Variants in FOXH1 observed in about 807,000 individuals in gnomAD.
The protein encoded by FOXH1 is forkhead box H1.
FOXH1 carries 10 observed loss-of-function variants against 14.2 expected under a neutral mutation model. That is an observed-to-expected ratio of 0.70 (90% CI 0.43 to 1.19). The LOEUF (loss-of-function observed/expected upper bound fraction) is 1.19. Ranked by LOEUF, FOXH1 falls within the 50% of genes most tolerant of loss-of-function variation. FOXH1 has a pLI of 0.00. For missense variants in FOXH1, 643 were observed against 492.1 expected (o/e 1.31, Z -2.90); for synonymous variants, 273 against 209.5 (o/e 1.30, Z -2.62).
In FOXH1 at chr8:144,475,773, C is replaced by T. The variant is rs760351671; in HGVS notation, c.-17G>A. The T allele has an allele frequency of 3.7e-6, 5 of 1,365,580 alleles. No individual in the cohort carries two copies. Among genetic ancestry groups the T allele is most frequent in the Admixed American group, 3.6e-5 (1 of 27,560 alleles). 84.6% of individuals were successfully genotyped at this position (1,365,580 alleles called of 1,614,324 possible). On this transcript the variant is annotated 5_prime_UTR_variant, in exon 1 of 3. Coordinates refer to ENST00000377317, the MANE Select transcript of FOXH1 (RefSeq NM_003923.3). ...GGGCCCCATGCGGGACGGTAGACAG[C>T]GTGGGCAGGGGCCTGGCCGGGTGGA... is the stretch of plus-strand genomic sequence containing the variant.
chr8:144,475,505 G>A (rs1825123147), intron 1 of FOXH1, 78 bp downstream of exon 1: 1 of 1,187,984 alleles, frequency 8.4e-7, no homozygotes, highest in Middle Eastern at 2.4e-4. Context: ...AGGAAGGGGT[G>A]GGGGTCAGGG....
In FOXH1 at chr8:144,473,674, C is replaced by G. The variant is rs995819341; in HGVS notation, c.*564G>C. On this transcript the variant is annotated 3_prime_UTR_variant, in exon 3 of 3. Transcript: ENST00000377317. The stretch of plus-strand genomic sequence containing the variant: ...ACGGCACACAGCAGGGAATCCCAGG[C>G]CCCCCCGCCAAGTGGTTACCCAAGT... The G allele has an allele frequency of 2.1e-6, 1 of 483,388 alleles. No individual in the cohort carries two copies. Among genetic ancestry groups the G allele is most frequent in the African/African-American group, 2.2e-5 (1 of 45,718 alleles). The allele number at this position is 483,388 out of a possible 1,614,324, so 29.9% of individuals were successfully genotyped here. A position where few individuals can be genotyped will look rare whatever the true frequency, so the allele number is the denominator to read the frequency against.
rs759087988 is a variant in FOXH1 at position 144,474,903 on chromosome 8, C to G, written c.433G>C (p.Gly145Arg). 26 of 1,609,894 alleles carry G rather than the reference C, an allele frequency of 1.6e-5. No individual in the cohort carries two copies. Among genetic ancestry groups the G allele is most frequent in the Non-Finnish European group, 2.1e-5 (25 of 1,179,610 alleles). Reference sequence around the variant, plus strand: ...GGCCGGCCGTGCAGCACGTAGGGGCCCAGGTCCTTGGCGAAGGCTCCACGC... The same window carrying G: ...GGCCGGCCGTGCAGCACGTAGGGGCGCAGGTCCTTGGCGAAGGCTCCACGC... Reference protein sequence around the residue: ...GARGAFAKDLGPYVLHGRPYR... With the variant: ...GARGAFAKDLRPYVLHGRPYR... The change falls in exon 3 of 3, where the codon GGC becomes CGC. Residue 145 changes from glycine to arginine, a missense_variant. Physicochemically the swap from Gly to Arg is moderately radical, Grantham distance 125. Transcript: ENST00000377317.
In FOXH1 at chr8:144,475,744, T is replaced by C. The variant is rs774860387; in HGVS notation, c.13A>G (p.Ser5Gly). ...TCTGGGGGCCCCAGGCGGGAGCCGC[T>C]GCAGGGCCCCATGCGGGACGGTAGA... MGPC[S>G]GSRLGPPEAE... Residue 5 changes from serine (S) to glycine (G), a missense_variant, in exon 1 of 3, where the codon AGC becomes GGC. Ser to Gly is a moderately conservative substitution (Grantham distance 56, BLOSUM62 0). Transcript: ENST00000377317. 22 of 1,409,550 alleles carry C rather than the reference T, an allele frequency of 1.6e-5. No individual in the cohort carries two copies. Among genetic ancestry groups the C allele is most frequent in the Non-Finnish European group, 1.9e-5 (20 of 1,081,028 alleles). The allele number at this position is 1,409,550 out of a possible 1,614,324, so 87.3% of individuals were successfully genotyped here. A position where few individuals can be genotyped will look rare whatever the true frequency, so the allele number is the denominator to read the frequency against.
In FOXH1 at chr8:144,473,512, C is replaced by G. The variant is rs951891187; in HGVS notation, c.*726G>C. The G allele has an allele frequency of 1.1e-4, 151 of 1,387,888 alleles. No individual in the cohort carries two copies. Among genetic ancestry groups the G allele is most frequent in the Non-Finnish European group, 1.3e-4 (140 of 1,061,162 alleles). The allele number at this position is 1,387,888 out of a possible 1,614,324, so 86.0% of individuals were successfully genotyped here. On this transcript the variant is annotated 3_prime_UTR_variant, in exon 3 of 3. Transcript: ENST00000377317. ...CCCTAGCCTCTTTGGATCCATTGCC[C>G]CTGAGCTCCCAGAGTCACCCCTCCA...
In FOXH1 at chr8:144,474,453, G is replaced by C. The variant is rs1203041602; in HGVS notation, c.883C>G (p.Pro295Ala). The C allele has an allele frequency of 6.2e-7, 1 of 1,612,860 alleles. No homozygotes were observed. The highest frequency in any genetic ancestry group is 8.5e-7 in the Non-Finnish European group (1 of 1,179,994). The change falls in exon 3 of 3, where the codon CCA becomes GCA. Residue 295 changes from proline (P) to alanine (A), a missense_variant. Physicochemically the swap from Pro to Ala is conservative, Grantham distance 27. Transcript: ENST00000377317. The stretch of plus-strand genomic sequence containing the variant: ...CACTGGGGACAGGAGGTGGGTGGTG[G>C]TGCCAAGGGCATTACCACATTGGGA... The part of the protein sequence containing the change: ...YTPNVVMPLA[P>A]PPTSCPQCPS...
In FOXH1 at chr8:144,474,393, G is replaced by A; in HGVS notation, c.943C>T (p.Pro315Ser). Reference sequence around the variant, plus strand: ...AGCCCTGGGGGCCCTCGGGTTTCAGGGGCCACCCCCCAGTAGGCAGGGCTG... The same window carrying A: ...AGCCCTGGGGGCCCTCGGGTTTCAGAGGCCACCCCCCAGTAGGCAGGGCTG... ...STSPAYWGVA[P>S]ETRGPPGLLC... Residue 315 changes from proline to serine, a missense_variant, in exon 3 of 3, where the codon CCT becomes TCT. Physicochemically the swap from Pro to Ser is moderately conservative, Grantham distance 74. Coordinates refer to ENST00000377317, the MANE Select transcript of FOXH1 (RefSeq NM_003923.3). 6.2e-7 allele frequency: 1 copy of A among 1,613,250 alleles called. No homozygotes were observed. Among genetic ancestry groups the A allele is most frequent in the South Asian group, 1.1e-5 (1 of 91,084 alleles).
In FOXH1 at chr8:144,475,201, C is replaced by T; in HGVS notation, c.235G>A (p.Asp79Asn). 6.2e-7 allele frequency: 1 copy of T among 1,613,664 alleles called. No homozygotes were observed. The highest frequency in any genetic ancestry group is 8.5e-7 in the Non-Finnish European group (1 of 1,179,920). The change falls in exon 2 of 3, where the codon GAC becomes AAC. Residue 79 changes from aspartate (D) to asparagine (N), a missense_variant. Physicochemically the swap from Asp to Asn is conservative, Grantham distance 23. Coordinates refer to ENST00000377317, the MANE Select transcript of FOXH1 (RefSeq NM_003923.3). ...GAGGAAAGGTTGTGGCGAATGGAGTCTTTCCAGCCCTCGTAGTCTTCCCTG... is the reference window on the plus strand; with the variant it reads ...GAGGAAAGGTTGTGGCGAATGGAGTTTTTCCAGCCCTCGTAGTCTTCCCTG... The part of the protein sequence containing the change: ...FFREDYEGWK[D>N]SIRHNLSSNR...
At position 144,473,549 on chromosome 8, in the gene FOXH1, A is replaced by C. The variant is rs1266613768; in HGVS notation, c.*689T>G. On this transcript the variant is annotated 3_prime_UTR_variant, in exon 3 of 3. Coordinates refer to ENST00000377317, the MANE Select transcript of FOXH1 (RefSeq NM_003923.3). ...GAGTCACCCCTCCACCTCCGCAGCC[A>C]GTGAAGTGTGTTGTGCCTGCTGAAG... The C allele has an allele frequency of 5.2e-6, 6 of 1,164,496 alleles. No homozygotes were observed. 72.1% of individuals were successfully genotyped at this position (1,164,496 alleles called of 1,614,324 possible). A position where few individuals can be genotyped will look rare whatever the true frequency, so the allele number is the denominator to read the frequency against.
In FOXH1 at chr8:144,475,412, A is replaced by G. The variant is rs115681481; in HGVS notation, c.175-151T>C. ...ATTTCTGCGCGGAAGCGCGGCAGAG[A>G]GGGCAAGGGGCTCCCGGAGAAGGGT... On this transcript the variant is annotated intron_variant, in intron 1 of 2. Transcript: ENST00000377317. 7.2e-3 allele frequency: 6,562 copies of G among 907,434 alleles called. 247 individuals carry two copies. In the African/African-American group the frequency reaches 0.08, roughly 11 times the overall value. 56.2% of individuals were successfully genotyped at this position (907,434 alleles called of 1,614,324 possible).
Position 144,475,131 on chromosome 8 carries a change from CGGGCTCCGACCCT to C in FOXH1, c.279+13_279+25del. ...AGGACTTCCGCGCGCGCTCCGCCCC[CGGGCTCCGACCCT>C]GGCCTGCCCCACCTTGCGGAAGCAT... On this transcript the variant is annotated intron_variant, in intron 2 of 2. Transcript: ENST00000377317. The C allele has an allele frequency of 6.2e-7, 1 of 1,610,028 alleles. No homozygotes were observed. Among genetic ancestry groups the C allele is most frequent in the Non-Finnish European group, 8.5e-7 (1 of 1,178,036 alleles).
Position 144,474,688 on chromosome 8 carries a change from C to A in FOXH1, c.648G>T (p.Leu216=). Residue 216 remains leucine (L), a synonymous_variant, in exon 3 of 3, where the codon CTG becomes CTT. Coordinates refer to ENST00000377317, the MANE Select transcript of FOXH1 (RefSeq NM_003923.3). ...GGCCAGGAAGGGGGCAGAGGGGCCA[C>A]AGAGGCCTCTCAGAAGAGGGAAGGG... ...TPPLPSSERP[L]WPLCPLPGPT... is the part of the protein sequence containing the mutation. The A allele has an allele frequency of 6.5e-7, 1 of 1,538,414 alleles. No homozygotes were observed. Among genetic ancestry groups the A allele is most frequent in the Non-Finnish European group, 8.8e-7 (1 of 1,141,018 alleles).
Position 144,474,631 on chromosome 8 carries a change from C to T in FOXH1, c.705G>A (p.Gly235=), listed in dbSNP as rs758819755. 14 of 1,581,288 alleles carry T rather than the reference C, an allele frequency of 8.9e-6. No individual in the cohort carries two copies. Among genetic ancestry groups the T allele is most frequent in the South Asian group, 3.4e-5 (3 of 87,740 alleles). Residue 235 remains glycine (G), a synonymous_variant, in exon 3 of 3, where the codon GGG becomes GGA. Coordinates refer to ENST00000377317, the MANE Select transcript of FOXH1 (RefSeq NM_003923.3). The part of the protein sequence containing the change: ...PTRVEGETVQ[G]GAIGPSTLSP... ...AGAGGGTTGAGGGCCCGATGGCTCC[C>T]CCCTGCACAGTCTCCCCCTCCACTC... is the stretch of plus-strand genomic sequence containing the variant.
rs778695747 is a variant in FOXH1 at position 144,474,759 on chromosome 8, G to T, written c.577C>A (p.Pro193Thr). The T allele has an allele frequency of 4.0e-5, 63 of 1,581,972 alleles. No individual in the cohort carries two copies. The highest frequency in any genetic ancestry group is 5.2e-5 in the Non-Finnish European group (60 of 1,162,160). Residue 193 changes from proline (P) to threonine (T), a missense_variant, in exon 3 of 3, where the codon CCT (proline) becomes ACT (threonine). Physicochemically the swap from Pro to Thr is conservative, Grantham distance 38. Coordinates refer to ENST00000377317, the MANE Select transcript of FOXH1 (RefSeq NM_003923.3). ...TCCCCACTGTTCCCTGTGCCTGCAG[G>T]AACTGGGCTGCTCTGTGGAGCTAGC... ...PGLAPQSSPV[P>T]AGTGNSGEEA...
rs1164932381 is a variant in FOXH1, at chr8:144,475,707, G to A, written c.50C>T (p.Pro17Leu). ...CTTCCTCCTCTTAGGGGGCTGGGAG[G>A]GCGACTCTGCCTCTGGGGGCCCCAG... Reference protein sequence around the residue: ...SRLGPPEAESPSQPPKRRKKR... With the variant: ...SRLGPPEAESLSQPPKRRKKR... Residue 17 changes from proline to leucine, a missense_variant, in exon 1 of 3, where the codon CCC (proline) becomes CTC (leucine). Physicochemically the swap from Pro to Leu is moderately conservative, Grantham distance 98. Transcript: ENST00000377317. 1.4e-6 allele frequency: 2 copies of A among 1,421,486 alleles called. No individual in the cohort carries two copies. Among genetic ancestry groups the A allele is most frequent in the Non-Finnish European group, 9.2e-7 (1 of 1,086,850 alleles). The allele number at this position is 1,421,486 out of a possible 1,614,324, so 88.1% of individuals were successfully genotyped here. A position where few individuals can be genotyped will look rare whatever the true frequency, so the allele number is the denominator to read the frequency against.
chr8:144,475,771 A>AGCGTGGGCAGGG lies in FOXH1; in HGVS notation c.-27_-16dup, dbSNP rs1564752759. ...CAGGGCCCCATGCGGGACGGTAGACAGCGTGGGCAGGGGCCTGGCCGGGTG... is the reference window on the plus strand; with the variant it reads ...CAGGGCCCCATGCGGGACGGTAGACAGCGTGGGCAGGGGCGTGGGCAGGGGCCTGGCCGGGTG... On this transcript the variant is annotated 5_prime_UTR_variant, in exon 1 of 3. Coordinates refer to ENST00000377317, the MANE Select transcript of FOXH1 (RefSeq NM_003923.3). The AGCGTGGGCAGGG allele has an allele frequency of 7.3e-7, 1 of 1,374,446 alleles. No individual in the cohort carries two copies. Among genetic ancestry groups the AGCGTGGGCAGGG allele is most frequent in the East Asian group, 2.8e-5 (1 of 36,258 alleles). 85.1% of individuals were successfully genotyped at this position (1,374,446 alleles called of 1,614,324 possible).
rs1054880957 is a variant in FOXH1 at position 144,475,466 on chromosome 8, C to T, written c.174+117G>A. Reference sequence around the variant, plus strand: ...GCCTTGAGGCCCTCAGCTCTCAGGACTGGTCCCACTGGCATACCTGGGTGG... The same window carrying T: ...GCCTTGAGGCCCTCAGCTCTCAGGATTGGTCCCACTGGCATACCTGGGTGG... On this transcript the variant is annotated intron_variant, in intron 1 of 2. Transcript: ENST00000377317. The T allele has an allele frequency of 6.1e-4, 541 of 888,738 alleles. 1 individual carries two copies. Among genetic ancestry groups the T allele is most frequent in the Non-Finnish European group, 8.1e-4 (473 of 587,394 alleles). 55.1% of individuals were successfully genotyped at this position (888,738 alleles called of 1,614,324 possible).
chr8:144,474,546 G>A lies in FOXH1; in HGVS notation c.790C>T (p.Arg264Trp), dbSNP rs1825079444. The change falls in exon 3 of 3, where the codon CGG (arginine) becomes TGG (tryptophan). Residue 264 changes from arginine (R) to tryptophan (W), a missense_variant. Arg to Trp is a moderately radical substitution (Grantham distance 101, BLOSUM62 -3). Coordinates refer to ENST00000377317, the MANE Select transcript of FOXH1 (RefSeq NM_003923.3). The stretch of plus-strand genomic sequence containing the variant: ...GAGGCCCTGTGTCCCCCGCTGGACC[G>A]TCCCCCAGGAACTGCGGTGCCCTGC... ...LLQGTAVPGG[R>W]SSGGHRASLW... 4.3e-6 allele frequency: 7 copies of A among 1,610,952 alleles called. No homozygotes were observed. The highest frequency in any genetic ancestry group is 2.7e-5 in the African/African-American group (2 of 75,002).
rs1334573750 is a variant in FOXH1, at chr8:144,474,373, TG to T, written c.962del (p.Pro321GlnfsTer7). On this transcript the variant is annotated frameshift_variant, in exon 3 of 3. Transcript: ENST00000377317. LOFTEE classifies it high-confidence loss of function. ...GGGCGTCTAGATCGCAGAGCAGCCC[TG>T]GGGGCCCTCGGGTTTCAGGGGCCAC... is the stretch of plus-strand genomic sequence containing the variant. ...WGVAPETRGPPGLLCDLDALF... is the reference protein window; with the variant it reads ...WGVAPETRGPXGLLCDLDALF... 2.5e-6 allele frequency: 4 copies of T among 1,613,022 alleles called. No individual in the cohort carries two copies. The Admixed American group carries it at 6.7e-5, about 27-fold the overall frequency.
Sources: allele counts gnomAD v4.1 joint callset, GRCh38; gene constraint gnomAD v4.1.1; transcripts MANE v1.5; gene names NCBI Gene and HGNC (gene_info 2026-07-23, HGNC 2026-07-21).